The following GPC6 variants were observed in gnomAD, a reference collection of about 807,000 sequenced individuals.
The protein encoded by GPC6 is glypican 6.
Under a neutral mutation model 55.2 loss-of-function variants are expected in GPC6, and 14 were observed. The observed-to-expected ratio is 0.25, with a 90% CI of 0.17 to 0.40. The LOEUF is 0.40. Ranked by LOEUF, GPC6 falls within the 10% of genes least tolerant of loss-of-function variation. GPC6 has a pLI of 1.00. For synonymous variants in GPC6, 278 were observed against 259.6 expected (o/e 1.07, Z -0.68); for missense variants, 641 against 708.5 (o/e 0.90, Z 1.08).
At chr13:94,228,900 A>T (rs2139010636) in intron 4 of GPC6, among the ~76,000 whole-genome samples, 1 of 152,310 alleles carries the variant, frequency 6.6e-6, no homozygotes, top group Admixed American at 6.5e-5. Context: ...AATGCTGGCC[A>T]ATGGGGATTA....
intron 3 of GPC6, among the ~76,000 whole-genome samples, chr13:93,917,676 C>A (rs1376075491): frequency 2.0e-5 from 3 of 152,268 alleles, no homozygotes; most frequent in East Asian, 1.9e-4. Context: ...CACAGTGAAA[C>A]CTTGAGAAGC....
chr13:94,239,283 G>A (rs1322478529), intron 4 of GPC6, among the ~76,000 whole-genome samples: 3 of 152,086 alleles, frequency 2.0e-5, no homozygotes, highest in Non-Finnish European at 4.4e-5. Flanking sequence ...ACATCATGTT[G>A]GAATCTAAGC....
chr13:94,225,534 T>C (rs139131831), intron 4 of GPC6, among the ~76,000 whole-genome samples: 1 of 152,050 alleles, frequency 6.6e-6, no homozygotes, highest in Non-Finnish European at 1.5e-5. Context: ...GCAAAAAAAT[T>C]TTGAAATCCA....
At chr13:93,394,027 A>G (rs761503223) in intron 1 of GPC6, among the ~76,000 whole-genome samples, 38 of 152,194 alleles carry the variant, frequency 2.5e-4, no homozygotes, top group Non-Finnish European at 4.6e-4. Context: ...TTAAACTCAC[A>G]TTTATGCTGT....
chr13:93,676,493 T>C (rs1361272471), intron 2 of GPC6, among the ~76,000 whole-genome samples: 3 of 152,054 alleles, frequency 2.0e-5, no homozygotes, highest in Non-Finnish European at 2.9e-5. Flanking sequence ...CAAATTCAAA[T>C]GTGTAAGAGA....
intron 4 of GPC6, among the ~76,000 whole-genome samples, chr13:94,168,075 C>T (rs1888427681): frequency 6.6e-6 from 1 of 152,174 alleles, no homozygotes; most frequent in Non-Finnish European, 1.5e-5. Context: ...GCGAGATAGG[C>T]ATTATCATCA....
At chr13:94,146,786 A>G (rs1887577083) in intron 4 of GPC6, among the ~76,000 whole-genome samples, 1 of 152,166 alleles carries the variant, frequency 6.6e-6, no homozygotes, top group Admixed American at 6.6e-5. Flanking sequence ...TATATTAATT[A>G]TGTGATTGAC....
intron 1 of GPC6, among the ~76,000 whole-genome samples, chr13:93,370,528 T>C (rs1191047594): frequency 6.6e-6 from 1 of 152,104 alleles, no homozygotes; most frequent in Non-Finnish European, 1.5e-5. Context: ...TATTGTTAAA[T>C]AATCAGAAAT....
chr13:93,861,210 T>G (rs149875558), intron 3 of GPC6, among the ~76,000 whole-genome samples: 5 of 151,512 alleles, frequency 3.3e-5, no homozygotes, highest in African/African-American at 1.2e-4. Context: ...CATTTTCTAT[T>G]TCACAGTAGT....
rs1344070456 is a variant in GPC6, at chr13:94,286,377, G to A, written c.906G>A (p.Leu302=). ...IDAMLLVAER[L]EGPFNIESVM... is the part of the protein sequence containing the mutation. ...CAATGCTCTTGGTGGCAGAGCGACT[G>A]GAGGGGCCATTCAACATTGAGTCGG... Residue 302 remains leucine, a synonymous_variant, in exon 5 of 9, where the codon CTG becomes CTA. Transcript: ENST00000377047. The A allele has an allele frequency of 2.5e-6, 4 of 1,613,720 alleles. No individual in the cohort carries two copies. Among genetic ancestry groups the A allele is most frequent in the Admixed American group, 1.7e-5 (1 of 59,964 alleles).
chr13:94,124,427 A>C (rs543812694), intron 4 of GPC6, among the ~76,000 whole-genome samples: 1 of 152,140 alleles, frequency 6.6e-6, no homozygotes, highest in African/African-American at 2.4e-5. Flanking sequence ...TCCTGCCTTC[A>C]GTGAACTCAT....
At position 94,382,491 on chromosome 13, in the gene GPC6, G is replaced by T. The variant is rs752105401; in HGVS notation, c.1230G>T (p.Glu410Asp). Residue 410 changes from glutamate to aspartate, a missense_variant, in exon 7 of 9, where the codon GAG becomes GAT. By Grantham distance (45) the Glu-to-Asp change is conservative. Transcript: ENST00000377047. ...SALPYTICKD[E>D]SVTAGTSNEE... ...TACCCTACACTATCTGCAAGGACGA[G>T]AGCGTGACAGCGGGCACGTCCAACG... 6.2e-7 allele frequency: 1 copy of T among 1,614,102 alleles called. No homozygotes were observed. The highest frequency in any genetic ancestry group is 1.3e-5 in the African/African-American group (1 of 74,934).
intron 2 of GPC6, among the ~76,000 whole-genome samples, chr13:93,591,291 G>T (rs551586757): frequency 6.6e-6 from 1 of 151,750 alleles, no homozygotes; most frequent in Non-Finnish European, 1.5e-5. Context: ...GTGAAACCCC[G>T]TCTCTACTAA....
rs373563223 is a variant in GPC6 at position 94,007,653 on chromosome 13, G to A, written c.712-20076G>A. On this transcript the variant is annotated intron_variant, in intron 3 of 8. Coordinates refer to ENST00000377047, the MANE Select transcript of GPC6 (RefSeq NM_005708.5). ...TCTTTTTAGCAGTTTATTTTATTAA[G>A]TAAAAACAATTTCCATTGCTAGATT... Among the ~76,000 whole-genome samples the A allele has an allele frequency of 1.4e-4, 22 of 152,116 alleles. No individual in the cohort carries two copies. In the East Asian group the frequency reaches 2.5e-3, roughly 17 times the overall value.
intron 2 of GPC6, among the ~76,000 whole-genome samples, chr13:93,592,058 G>A (rs78509897): frequency 0.015 from 2,237 of 152,228 alleles, 48 homozygotes; most frequent in African/African-American, 0.05. Flanking sequence ...TCTGATGAAT[G>A]TATTAACTGC....
intron 1 of GPC6, among the ~76,000 whole-genome samples, chr13:93,542,020 T>G (rs1254521203): frequency 6.6e-6 from 1 of 152,218 alleles, no homozygotes; most frequent in Non-Finnish European, 1.5e-5. Flanking sequence ...AGAAGCTCTT[T>G]AGTTTAATTA....
chr13:93,807,170 T>C (rs1263285631), intron 2 of GPC6, among the ~76,000 whole-genome samples: 1 of 152,196 alleles, frequency 6.6e-6, no homozygotes, highest in East Asian at 1.9e-4. Context: ...TCTTGCCACA[T>C]TGCTCTTCTC....
chr13:93,637,478 T>G (rs1384380446), intron 2 of GPC6, among the ~76,000 whole-genome samples: 1 of 152,156 alleles, frequency 6.6e-6, no homozygotes, highest in Non-Finnish European at 1.5e-5. Flanking sequence ...TTTTGAAATT[T>G]CTCTAACTTT....
At chr13:94,049,550 A>C (rs2138751114) in intron 4 of GPC6, among the ~76,000 whole-genome samples, 1 of 152,236 alleles carries the variant, frequency 6.6e-6, no homozygotes, top group African/African-American at 2.4e-5. Context: ...TCCAGGCATC[A>C]TCACACCTCA....
Sources: gnomAD v4.1 joint callset for allele counts (sites outside exome capture counted in the v4.1 genomes callset) on GRCh38, gnomAD v4.1.1 for gene constraint, MANE v1.5 for transcripts, NCBI Gene and HGNC (gene_info 2026-07-23, HGNC 2026-07-21) for gene names.